AUTS2: variants seen among roughly 807,000 people sequenced by gnomAD.
AUTS2 encodes the protein autism susceptibility gene 2 protein.
Under a neutral mutation model 112.4 loss-of-function variants are expected in AUTS2, and 17 were observed. The observed-to-expected ratio is 0.15, with a 90% confidence interval of 0.10 to 0.23. The LOEUF (loss-of-function observed/expected upper bound fraction) is 0.23, where lower values mean the gene tolerates loss of function less well. Ranked by LOEUF, AUTS2 falls within the 10% of genes least tolerant of loss-of-function variation. The pLI, the probability that AUTS2 is intolerant of heterozygous loss-of-function variation, is 1.00. For missense variants in AUTS2, 1,510 were observed against 1,701.6 expected, an observed-to-expected ratio of 0.89 and a Z score of 1.98; for synonymous variants, 751 against 702.7, an observed-to-expected ratio of 1.07 and a Z score of -1.09.
At chr7:70,094,254 C>T (rs1288170927) in intron 2 of AUTS2, among the ~76,000 whole-genome samples, 7 of 152,166 alleles carry the variant, frequency 4.6e-5, no homozygotes, top group Non-Finnish European at 8.8e-5. Flanking sequence ...TGTATGCGCC[C>T]TGCATGCTTG....
At chr7:69,671,187 T>C (rs1019210822) in intron 1 of AUTS2, among the ~76,000 whole-genome samples, 2 of 152,184 alleles carry the variant, frequency 1.3e-5, no homozygotes, top group Admixed American at 1.3e-4. Flanking sequence ...ACCACCTTCT[T>C]AATGTGTCCC....
intron 1 of AUTS2, among the ~76,000 whole-genome samples, chr7:69,721,343 GA>G (rs1798926223): frequency 6.6e-6 from 1 of 151,722 alleles, no homozygotes; most frequent in Admixed American, 6.6e-5. Flanking sequence ...TCCCTTATCA[GA>G]GAGACCTTTA....
intron 5 of AUTS2, among the ~76,000 whole-genome samples, chr7:70,602,478 G>T (rs1803525751): frequency 2.0e-5 from 3 of 152,184 alleles, no homozygotes; most frequent in Admixed American, 2.0e-4. Context: ...CTCCCAGGAG[G>T]CTCCAGGTCT....
intron 11 of AUTS2, among the ~76,000 whole-genome samples, chr7:70,772,120 G>A (rs1323482520): frequency 6.6e-6 from 1 of 151,968 alleles, no homozygotes; most frequent in Non-Finnish European, 1.5e-5. Context: ...CATTTCCCTC[G>A]CCAACCCCAT....
intron 5 of AUTS2, among the ~76,000 whole-genome samples, chr7:70,648,721 G>A (rs1236327699): frequency 6.6e-6 from 1 of 151,952 alleles, no homozygotes; most frequent in East Asian, 1.9e-4. Context: ...AGCTGGGATT[G>A]CAGGCATGCA....
chr7:69,697,051 T>A (rs997008676), intron 1 of AUTS2, among the ~76,000 whole-genome samples: 1 of 152,230 alleles, frequency 6.6e-6, no homozygotes, highest in Non-Finnish European at 1.5e-5. Flanking sequence ...GGACAATGAT[T>A]CTCAAACTTT....
chr7:70,418,190 G>A (rs1326574446), intron 4 of AUTS2, among the ~76,000 whole-genome samples: 5 of 151,624 alleles, frequency 3.3e-5, no homozygotes, highest in African/African-American at 4.8e-5. Flanking sequence ...CTCCCACCTC[G>A]GCCTCTCAAA....
At chr7:70,768,149 A>G in intron 10 of AUTS2, 81 bp downstream of exon 10, 1 of 1,330,838 alleles carries the variant, frequency 7.5e-7, no homozygotes, top group Non-Finnish European at 1.0e-6. Context: ...GTCAATGACT[A>G]GCAGCCTTCC....
intron 5 of AUTS2, among the ~76,000 whole-genome samples, chr7:70,467,816 G>A (rs192659670): frequency 8.1e-4 from 123 of 152,320 alleles, no homozygotes; most frequent in Non-Finnish European, 1.3e-3. Context: ...ACTGTGGTCC[G>A]AAGCCAGCAC....
At chr7:69,752,282 C>T (rs976608459) in intron 1 of AUTS2, among the ~76,000 whole-genome samples, 8 of 152,228 alleles carry the variant, frequency 5.3e-5, no homozygotes, top group Non-Finnish European at 8.8e-5. Context: ...CTTGTCAGAA[C>T]ACAGCTTTGG....
intron 1 of AUTS2, among the ~76,000 whole-genome samples, chr7:69,792,381 A>G (rs993498842): frequency 2.0e-5 from 3 of 151,850 alleles, no homozygotes; most frequent in African/African-American, 7.3e-5. Flanking sequence ...CTGGGACTAC[A>G]GGCGCCCACC....
chr7:69,709,494 G>C (rs1392571329), intron 1 of AUTS2, among the ~76,000 whole-genome samples: 3 of 152,142 alleles, frequency 2.0e-5, no homozygotes, highest in Admixed American at 6.5e-5. Context: ...GTTGAAAAAG[G>C]CACACCTGGC....
chr7:70,666,757 A>T (rs949742561), intron 5 of AUTS2, among the ~76,000 whole-genome samples: 7 of 152,046 alleles, frequency 4.6e-5, no homozygotes, highest in African/African-American at 1.7e-4. Context: ...GGTAGTCAGA[A>T]AACAGCCATA....
At chr7:70,083,121 CCT>C (rs1165529206) in intron 2 of AUTS2, among the ~76,000 whole-genome samples, 1 of 152,020 alleles carries the variant, frequency 6.6e-6, no homozygotes, top group Non-Finnish European at 1.5e-5. Context: ...TGCTCAGGGC[CCT>C]CTCTTTCCCT....
At chr7:70,628,558 T>TA (rs1214606196) in intron 5 of AUTS2, among the ~76,000 whole-genome samples, 3 of 34,108 alleles carry the variant, frequency 8.8e-5, no homozygotes, top group Admixed American at 8.5e-4. Context: ...ATGCTATTAA[T>TA]AGTATACCTA....
chr7:70,145,447 A>G (rs1807077050), intron 4 of AUTS2, among the ~76,000 whole-genome samples: 1 of 152,120 alleles, frequency 6.6e-6, no homozygotes, highest in African/African-American at 2.4e-5. Context: ...CATTCATGGT[A>G]AGCCTCTCTG....
At chr7:69,918,837 C>T (rs1006505282) in intron 2 of AUTS2, among the ~76,000 whole-genome samples, 2 of 152,326 alleles carry the variant, frequency 1.3e-5, no homozygotes, top group Admixed American at 1.3e-4. Flanking sequence ...GGATCTTTTA[C>T]TTGTTGCAGC....
intron 4 of AUTS2, among the ~76,000 whole-genome samples, chr7:70,398,446 G>A (rs75629326): frequency 0.014 from 2,124 of 151,936 alleles, 72 homozygotes; most frequent in East Asian, 0.14. Context: ...TAATGCACAG[G>A]TCTTTCACAT....
chr7:69,622,544 A>G (rs759919250), intron 1 of AUTS2, among the ~76,000 whole-genome samples: 14 of 152,326 alleles, frequency 9.2e-5, no homozygotes, highest in East Asian at 1.9e-4. Flanking sequence ...ACTTTCAACA[A>G]TGTAATAATG....
Sources: gnomAD v4.1 joint callset for allele counts (sites outside exome capture counted in the v4.1 genomes callset) on GRCh38, gnomAD v4.1.1 for gene constraint, MANE v1.5 for transcripts, NCBI Gene and HGNC (gene_info 2026-07-23, HGNC 2026-07-21) for gene names.